FREM2: variants seen among roughly 807,000 people sequenced by gnomAD.
The protein encoded by FREM2 is FRAS1-related extracellular matrix protein 2.
A neutral mutation model predicts 219.9 loss-of-function variants in FREM2; 119 were observed. The observed-to-expected ratio is 0.54, with a 90% CI of 0.47 to 0.63. The LOEUF (loss-of-function observed/expected upper bound fraction) is 0.63. FREM2 is among the 30% of genes least tolerant of loss of function. The pLI is 0.00. For missense variants in FREM2, 4,030 were observed against 3,993.6 expected (o/e 1.01, Z -0.25); for synonymous variants, 1,562 against 1,522.8 (o/e 1.03, Z -0.60).
chr13:38,741,089 A>G (rs1351550510), intron 2 of FREM2, among the ~76,000 whole-genome samples: 1 of 152,168 alleles, frequency 6.6e-6, no homozygotes, highest in Admixed American at 6.6e-5. Context: ...CCATGTTACA[A>G]TGTAGGAAAC....
intron 6 of FREM2, among the ~76,000 whole-genome samples, chr13:38,813,368 C>G (rs1336647064): frequency 6.6e-6 from 1 of 151,202 alleles, no homozygotes; most frequent in Non-Finnish European, 1.5e-5. Context: ...TCCTTCAGCA[C>G]TTTAAATATG....
Position 38,878,886 on chromosome 13 carries a change from C to G in FREM2, c.8915C>G (p.Ala2972Gly), listed in dbSNP as rs2137941201. 6.2e-7 allele frequency: 1 copy of G among 1,614,018 alleles called. No individual in the cohort carries two copies. The highest frequency in any genetic ancestry group is 8.5e-7 in the Non-Finnish European group (1 of 1,179,872). Residue 2972 changes from alanine to glycine, a missense_variant, in exon 23 of 24, where the codon GCC becomes GGC. Ala to Gly is a moderately conservative substitution (Grantham distance 60). Transcript: ENST00000280481. ...AGTTTTGGAAATGTCCTATTTAATGCCAAACTAGCAGTGGATGACCCTGAA... is the reference window on the plus strand; with the variant it reads ...AGTTTTGGAAATGTCCTATTTAATGGCAAACTAGCAGTGGATGACCCTGAA... ...ATSFGNVLFNAKLAVDDPEAI... is the reference protein window; with the variant it reads ...ATSFGNVLFNGKLAVDDPEAI...
rs1873352103 is a variant in FREM2 at position 38,764,356 on chromosome 13, C to A, written c.5316C>A (p.Ser1772=). The change falls in exon 3 of 24, where the codon TCC becomes TCA. Residue 1772 remains serine (S), a synonymous_variant. Transcript: ENST00000280481. ...TTCGTCTGAATTGGGCATGGATCTC[C>A]TTTGAAAAGGAATATTACCTGGTCA... ...QNFRLNWAWI[S]FEKEYYLVNE... 6.2e-7 allele frequency: 1 copy of A among 1,609,286 alleles called. No individual in the cohort carries two copies. Among genetic ancestry groups the A allele is most frequent in the Admixed American group, 1.7e-5 (1 of 59,972 alleles).
rs145355602 is a variant in FREM2 at position 38,772,453 on chromosome 13, T to A, written c.5641+2645T>A. ...TTATTAGCAAGTTTATGTAAACATA[T>A]GTAAGTCTATGCTTTTCTCATTACT... On this transcript the variant is annotated intron_variant, in intron 4 of 23. Coordinates refer to ENST00000280481, the MANE Select transcript of FREM2 (RefSeq NM_207361.6). Among the ~76,000 whole-genome samples the A allele has an allele frequency of 4.4e-4, 67 of 152,330 alleles. No homozygotes were observed. The East Asian group carries it at 0.011, about 26-fold the overall frequency.
intron 2 of FREM2, among the ~76,000 whole-genome samples, chr13:38,758,290 A>G (rs989716078): frequency 6.6e-6 from 1 of 152,178 alleles, no homozygotes; most frequent in Non-Finnish European, 1.5e-5. Flanking sequence ...CGGATTTCTT[A>G]TCTCTCTTCT....
chr13:38,869,779 C>T (rs1409066703), intron 16 of FREM2, among the ~76,000 whole-genome samples: 1 of 152,120 alleles, frequency 6.6e-6, no homozygotes, highest in African/African-American at 2.4e-5. Flanking sequence ...ACTTTAGATG[C>T]AAAATGGTTA....
chr13:38,824,419 A>G (rs1177664464), intron 6 of FREM2, among the ~76,000 whole-genome samples: 1 of 151,970 alleles, frequency 6.6e-6, no homozygotes, highest in Admixed American at 6.6e-5. Flanking sequence ...TCGGTACACA[A>G]ATAAAGACCG....
Position 38,687,670 on chromosome 13 carries a change from T to C in FREM2, c.326T>C (p.Val109Ala), listed in dbSNP as rs909150998. The C allele has an allele frequency of 1.9e-6, 3 of 1,598,974 alleles. No individual in the cohort carries two copies. In the African/African-American group the frequency reaches 4.0e-5, roughly 21 times the overall value. The change falls in exon 1 of 24, where the codon GTA becomes GCA. Residue 109 changes from valine (V) to alanine (A), a missense_variant. By Grantham distance (64) the Val-to-Ala change is moderately conservative. Around this residue, in one of 2 missense-constraint regions of FREM2, gnomAD observed 3,102 missense variants for 2,950.7 expected, o/e 1.05. Coordinates refer to ENST00000280481, the MANE Select transcript of FREM2 (RefSeq NM_207361.6). ...CCCGGGGACCGCTGCGCGGTTTCGG[T>C]ACTAGACAACGACGCACTGGCCCAG... is the stretch of plus-strand genomic sequence containing the variant. ...VQPGDRCAVS[V>A]LDNDALAQRP...
chr13:38,760,062 G>T (rs1421546492), intron 2 of FREM2, among the ~76,000 whole-genome samples: 1 of 152,166 alleles, frequency 6.6e-6, no homozygotes, highest in Non-Finnish European at 1.5e-5. Context: ...ATTCACATGT[G>T]TAATGTACAG....
At chr13:38,715,355 G>A (rs1260793476) in intron 2 of FREM2, among the ~76,000 whole-genome samples, 2 of 152,162 alleles carry the variant, frequency 1.3e-5, no homozygotes, top group East Asian at 3.9e-4. Context: ...GATGCAGAGA[G>A]GATTGCTTTG....
At position 38,859,397 on chromosome 13, in the gene FREM2, C is replaced by A. The variant is rs1389546116; in HGVS notation, c.7326C>A (p.Gly2442=). The stretch of plus-strand genomic sequence containing the variant: ...GGTGGCTGATTAGTGCACCTGCGGG[C>A]CCTGACGGTGTGACCAGCCCTATGA... ...RYRWLISAPA[G]PDGVTSPMRE... is the part of the protein sequence containing the mutation. Residue 2442 remains glycine, a synonymous_variant, in exon 14 of 24, where the codon GGC becomes GGA. Coordinates refer to ENST00000280481, the MANE Select transcript of FREM2 (RefSeq NM_207361.6). 3 of 1,614,072 alleles carry A rather than the reference C, an allele frequency of 1.9e-6. No individual in the cohort carries two copies. Among genetic ancestry groups the A allele is most frequent in the Non-Finnish European group, 2.5e-6 (3 of 1,180,040 alleles).
At position 38,848,671 on chromosome 13, in the gene FREM2, G is replaced by T. The variant is rs147203615; in HGVS notation, c.6379+1G>T. Reference sequence around the variant, plus strand: ...TCCATAAATGACTCTGTCTCCGATTGTGAGTGTTTATTAATTTTATAATTT... The same window carrying T: ...TCCATAAATGACTCTGTCTCCGATTTTGAGTGTTTATTAATTTTATAATTT... On this transcript the variant is annotated splice_donor_variant, in intron 8 of 23. Coordinates refer to ENST00000280481, the MANE Select transcript of FREM2 (RefSeq NM_207361.6). LOFTEE classifies it high-confidence loss of function. 2.5e-6 allele frequency: 4 copies of T among 1,608,484 alleles called. No individual in the cohort carries two copies. The African/African-American group carries it at 4.0e-5, about 16-fold the overall frequency.
chr13:38,749,578 G>GT (rs1242987147), intron 2 of FREM2, among the ~76,000 whole-genome samples: 2 of 152,048 alleles, frequency 1.3e-5, no homozygotes, highest in African/African-American at 4.8e-5. Context: ...CTAATGCTTT[G>GT]TGTGTGTGTT....
chr13:38,862,725 C>A (rs1232619977), intron 15 of FREM2, among the ~76,000 whole-genome samples: 2 of 152,018 alleles, frequency 1.3e-5, no homozygotes, highest in Non-Finnish European at 2.9e-5. Context: ...TGTCCTGTGG[C>A]CAAATACAGT....
Position 38,859,382 on chromosome 13 carries a change from T to G in FREM2, c.7311T>G (p.Ile2437Met). ...NDTLTRYRWL[I>M]SAPAGPDGVT... ...CTTTGACGCGGTACCGGTGGCTGAT[T>G]AGTGCACCTGCGGGCCCTGACGGTG... is the stretch of plus-strand genomic sequence containing the variant. The change falls in exon 14 of 24, where the codon ATT becomes ATG. Residue 2437 changes from isoleucine to methionine, a missense_variant. By Grantham distance (10) the Ile-to-Met change is conservative (BLOSUM62 1). Transcript: ENST00000280481. 1 of 1,614,202 alleles carries G rather than the reference T, an allele frequency of 6.2e-7. No individual in the cohort carries two copies. Among genetic ancestry groups the G allele is most frequent in the African/African-American group, 1.3e-5 (1 of 75,042 alleles).
At chr13:38,751,253 A>C (rs1872748615) in intron 2 of FREM2, among the ~76,000 whole-genome samples, 1 of 147,988 alleles carries the variant, frequency 6.8e-6, no homozygotes, top group Non-Finnish European at 1.5e-5. Flanking sequence ...ACCAATTTAC[A>C]TTCACATCAA....
intron 14 of FREM2, among the ~76,000 whole-genome samples, chr13:38,860,212 G>C (rs758189596): frequency 6.6e-6 from 1 of 152,060 alleles, no homozygotes; most frequent in African/African-American, 2.4e-5. Context: ...TGCTGGGGAC[G>C]GGAGGGGAAG....
At chr13:38,799,378 T>G (rs1419079350) in intron 6 of FREM2, among the ~76,000 whole-genome samples, 1 of 152,212 alleles carries the variant, frequency 6.6e-6, no homozygotes, top group Non-Finnish European at 1.5e-5. Context: ...TTTTGTGGCC[T>G]AACATATGGT....
chr13:38,873,704 A>T (rs1878248569), intron 17 of FREM2, among the ~76,000 whole-genome samples: 1 of 152,226 alleles, frequency 6.6e-6, no homozygotes, highest in African/African-American at 2.4e-5. Flanking sequence ...CCATAGTGTC[A>T]TGCCAGTACT....
Sources: allele counts gnomAD v4.1 joint callset (sites outside exome capture counted in the v4.1 genomes callset), GRCh38; gene constraint gnomAD v4.1.1; regional missense constraint gnomAD v4.1.1; transcripts MANE v1.5; gene names NCBI Gene and HGNC (gene_info 2026-07-23, HGNC 2026-07-21).